GFRA1: variants seen among roughly 807,000 people sequenced by gnomAD.
GFRA1 encodes GDNF family receptor alpha 1.
GFRA1 carries 16 observed loss-of-function variants against 51.6 expected under a neutral mutation model. That is an observed-to-expected ratio of 0.31 (90% CI 0.21 to 0.47). GFRA1 has a LOEUF of 0.47. Among genes scored for constraint, GFRA1 ranks in the 20% least tolerant of loss-of-function variants. The probability of loss-of-function intolerance (pLI) is 1.00; values close to 1 mark genes in which losing one functional copy is unlikely to be tolerated. For synonymous variants in GFRA1, 270 were observed against 241.3 expected (o/e 1.12, Z -1.10); for missense variants, 530 against 594.3 (o/e 0.89, Z 1.13).
At chr10:116,201,282 T>C (rs1033309726) in intron 5 of GFRA1, among the ~76,000 whole-genome samples, 1 of 152,112 alleles carries the variant, frequency 6.6e-6, no homozygotes, top group Non-Finnish European at 1.5e-5. Context: ...GAAAACTCAA[T>C]AGCCAATACT....
chr10:116,111,892 T>C (rs1244598589), intron 6 of GFRA1, among the ~76,000 whole-genome samples: 2 of 152,288 alleles, frequency 1.3e-5, no homozygotes, highest in Middle Eastern at 3.4e-3. Flanking sequence ...CCCACGAGGC[T>C]GGGCTGGCAC....
In GFRA1 at chr10:116,062,884, G is replaced by A. The variant is rs1197937843; in HGVS notation, c.*1514C>T. 1 of 152,308 alleles carries A rather than the reference G, an allele frequency of 6.6e-6. No homozygotes were observed. The highest frequency in any genetic ancestry group is 1.9e-4 in the East Asian group (1 of 5,190). 9.4% of individuals were successfully genotyped at this position (152,308 alleles called of 1,614,324 possible). ...CTTATCACCAGGGTCCTGTTCTGCT[G>A]ATCTGTGCCAAGCAACTCATCTCAC... is the stretch of plus-strand genomic sequence containing the variant. On this transcript the variant is annotated 3_prime_UTR_variant, in exon 11 of 11. Coordinates refer to ENST00000355422, the MANE Select transcript of GFRA1 (RefSeq NM_005264.8).
intron 5 of GFRA1, among the ~76,000 whole-genome samples, chr10:116,206,619 TCTC>T (rs1478421219): frequency 7.8e-6 from 1 of 128,838 alleles, no homozygotes; most frequent in Non-Finnish European, 1.6e-5. Context: ...GAAACCACAT[TCTC>T]TTTTTTTTTT....
At chr10:116,163,362 C>T (rs1960027221) in intron 5 of GFRA1, among the ~76,000 whole-genome samples, 1 of 152,152 alleles carries the variant, frequency 6.6e-6, no homozygotes, top group Admixed American at 6.5e-5. Context: ...AAGCATAGCT[C>T]GACATTGCAG....
chr10:116,066,787 T>TGAC (rs1460913376), intron 9 of GFRA1, among the ~76,000 whole-genome samples: 5 of 152,204 alleles, frequency 3.3e-5, no homozygotes, highest in African/African-American at 1.2e-4. Flanking sequence ...CGTTTGGCAC[T>TGAC]GACAGACAGA....
At chr10:116,178,901 T>G (rs1482720910) in intron 5 of GFRA1, among the ~76,000 whole-genome samples, 1 of 152,218 alleles carries the variant, frequency 6.6e-6, no homozygotes, top group African/African-American at 2.4e-5. Context: ...GAAGGTCTGG[T>G]GTGCATCGAA....
chr10:116,213,071 T>C (rs1161123646), intron 4 of GFRA1, among the ~76,000 whole-genome samples: 2 of 152,134 alleles, frequency 1.3e-5, no homozygotes, highest in Non-Finnish European at 2.9e-5. Flanking sequence ...ATGGTAGGAT[T>C]GTAAAAAGGA....
chr10:116,158,545 G>C (rs1445323511), intron 5 of GFRA1, among the ~76,000 whole-genome samples: 1 of 152,206 alleles, frequency 6.6e-6, no homozygotes, highest in East Asian at 1.9e-4. Context: ...GTCAGGAGGA[G>C]GGGGAAGGCC....
At chr10:116,274,377 C>T (rs575915062), upstream of GFRA1, among the ~76,000 whole-genome samples, 1 of 152,252 alleles carries the variant, frequency 6.6e-6, no homozygotes, top group African/African-American at 2.4e-5. Context: ...TCACGCCAGA[C>T]AATGGGCCGC....
Position 116,089,903 on chromosome 10 carries a change from A to G in GFRA1, c.1035T>C (p.Phe345=). 6.2e-7 allele frequency: 1 copy of G among 1,613,626 alleles called. No individual in the cohort carries two copies. The stretch of plus-strand genomic sequence containing the variant: ...ACACGGTCACATCGGAGCCATTGCC[A>G]AAGGCTTGAATTGCATTTTCTGCAG... The part of the protein sequence containing the change: ...NTCLKNAIQA[F]GNGSDVTVWQ... The change falls in exon 9 of 11, where the codon TTT becomes TTC. Residue 345 remains phenylalanine, a synonymous_variant. Transcript: ENST00000355422.
In GFRA1 at chr10:116,271,169, C is replaced by G. The variant is rs1281947282; in HGVS notation, c.41-54G>C. 1.5e-5 allele frequency: 23 copies of G among 1,511,612 alleles called. No individual in the cohort carries two copies. The South Asian group carries it at 2.9e-4, about 19-fold the overall frequency. 93.6% of individuals were successfully genotyped at this position (1,511,612 alleles called of 1,614,324 possible). On this transcript the variant is annotated intron_variant, in intron 2 of 10. Transcript: ENST00000355422. ...TGCGGCGGGCGGGGACCCCGGCCGC[C>G]CCTGCTCCGGGCGAGGGCGCGCGCC...
chr10:116,241,796 C>T (rs1286735874), intron 4 of GFRA1, among the ~76,000 whole-genome samples: 1 of 152,164 alleles, frequency 6.6e-6, no homozygotes, highest in Non-Finnish European at 1.5e-5. Context: ...AGAAATATCA[C>T]TAAATGCAGA....
intron 4 of GFRA1, among the ~76,000 whole-genome samples, chr10:116,218,863 G>A (rs936786464): frequency 4.6e-5 from 7 of 152,084 alleles, no homozygotes; most frequent in South Asian, 2.1e-4. Flanking sequence ...GATGTAGGCC[G>A]GAGAAAGTTC....
intron 4 of GFRA1, among the ~76,000 whole-genome samples, chr10:116,262,364 C>T (rs962080045): frequency 2.0e-5 from 3 of 152,116 alleles, no homozygotes; most frequent in Non-Finnish European, 4.4e-5. Context: ...ATTCATGGAC[C>T]TTCTTGAGGT....
chr10:116,171,542 T>C (rs1394417025), intron 5 of GFRA1, among the ~76,000 whole-genome samples: 1 of 152,250 alleles, frequency 6.6e-6, no homozygotes, highest in African/African-American at 2.4e-5. Flanking sequence ...TTGGCAAAGA[T>C]ATTCAAGAAA....
intron 5 of GFRA1, among the ~76,000 whole-genome samples, chr10:116,132,416 A>G (rs1208866584): frequency 6.6e-6 from 1 of 152,122 alleles, no homozygotes; most frequent in Non-Finnish European, 1.5e-5. Context: ...TATATGCATT[A>G]ACCATATTTT....
intron 4 of GFRA1, among the ~76,000 whole-genome samples, chr10:116,226,436 G>T (rs1589888678): frequency 6.6e-6 from 1 of 152,198 alleles, no homozygotes; most frequent in Admixed American, 6.5e-5. Flanking sequence ...GGGAAGTTCT[G>T]CTAAAAGGGA....
chr10:116,115,610 G>A (rs771335069), intron 6 of GFRA1, among the ~76,000 whole-genome samples: 4 of 152,110 alleles, frequency 2.6e-5, no homozygotes, highest in Admixed American at 6.5e-5. Context: ...ATTTCCCCAC[G>A]CGAAGATGAG....
At chr10:116,141,701 A>G (rs945592700) in intron 5 of GFRA1, among the ~76,000 whole-genome samples, 2 of 152,084 alleles carry the variant, frequency 1.3e-5, no homozygotes, top group Non-Finnish European at 2.9e-5. Context: ...CTCCTGCCTC[A>G]GCCTCCTGAG....
Sources: allele counts gnomAD v4.1 joint callset (sites outside exome capture counted in the v4.1 genomes callset), GRCh38; gene constraint gnomAD v4.1.1; transcripts MANE v1.5; gene names NCBI Gene and HGNC (gene_info 2026-07-23, HGNC 2026-07-21).